VPS26C: variants seen among roughly 807,000 people sequenced by gnomAD.
VPS26C encodes the protein vacuolar protein sorting-associated protein 26C.
VPS26C carries 19 observed loss-of-function variants against 30.6 expected under a neutral mutation model. The ratio of observed to expected loss-of-function variants is 0.62; its 90% CI spans 0.43 to 0.91. The LOEUF (loss-of-function observed/expected upper bound fraction) is 0.91, where lower values mean the gene tolerates loss of function less well. VPS26C is among the 40% of genes least tolerant of loss of function. The probability of loss-of-function intolerance (pLI) is 0.00; values close to 1 mark genes in which losing one functional copy is unlikely to be tolerated. For synonymous variants in VPS26C, 132 were observed against 151.5 expected (o/e 0.87, Z 0.95); for missense variants, 318 against 385.1 (o/e 0.83, Z 1.46).
intron 5 of VPS26C, chr21:37,230,703 T>C (rs1256667963): frequency 6.6e-6 from 1 of 152,292 alleles, no homozygotes; most frequent in Non-Finnish European, 1.5e-5. Flanking sequence ...CGGCAGAAAG[T>C]GGACAGACAA....
chr21:37,226,948 A>ACAATTATTAAATAT lies in VPS26C; in HGVS notation c.811+705_811+706insATATTTAATAATTG, dbSNP rs1455982124. ...ATTAACATGATTCTTATTAAGATGG[A>ACAATTATTAAATAT]GGTCCCATTACAATATTTATAGGAA... On this transcript the variant is annotated intron_variant, in intron 7 of 7. Coordinates refer to ENST00000309117, the MANE Select transcript of VPS26C (RefSeq NM_006052.2). This position sits in a 1 kb window ranked among gnomAD's most constrained non-coding sequence, Gnocchi z 4.1. The ACAATTATTAAATAT allele has an allele frequency of 1.3e-5, 2 of 152,252 alleles. No homozygotes were observed. The highest frequency in any genetic ancestry group is 4.8e-5 in the African/African-American group (2 of 41,456). 9.4% of individuals were successfully genotyped at this position (152,252 alleles called of 1,614,324 possible).
intron 3 of VPS26C, among the ~76,000 whole-genome samples, chr21:37,238,011 A>G (rs1226585875): frequency 6.6e-6 from 1 of 152,244 alleles, no homozygotes; most frequent in Non-Finnish European, 1.5e-5. Context: ...ACAGGAAGTC[A>G]TAATCCACTT....
intron 1 of VPS26C, 69 bp downstream of exon 1, chr21:37,267,169 C>A: frequency 7.5e-7 from 1 of 1,327,616 alleles, no homozygotes; most frequent in South Asian, 1.2e-5. Flanking sequence ...GTGCGCAGAG[C>A]GATGGAGACA....
chr21:37,230,671 A>AC (rs1238168062), intron 5 of VPS26C: 1 of 152,282 alleles, frequency 6.6e-6, no homozygotes, highest in East Asian at 1.9e-4. Context: ...CGTGGGGACC[A>AC]CCCCAGTGAA....
intron 1 of VPS26C, among the ~76,000 whole-genome samples, chr21:37,252,288 A>G (rs1230525622): frequency 1.3e-5 from 2 of 152,222 alleles, no homozygotes; most frequent in Non-Finnish European, 2.9e-5. Flanking sequence ...GAAAGCGGAA[A>G]TCAGAAACAT....
chr21:37,244,164 C>A (rs2086114705), intron 1 of VPS26C, among the ~76,000 whole-genome samples: 1 of 152,274 alleles, frequency 6.6e-6, no homozygotes, highest in African/African-American at 2.4e-5. Context: ...CTACTGGCCA[C>A]CTTGCTCTTC....
intron 2 of VPS26C, among the ~76,000 whole-genome samples, chr21:37,239,914 C>A (rs1342117049): frequency 6.6e-6 from 1 of 152,016 alleles, no homozygotes; most frequent in Non-Finnish European, 1.5e-5. Flanking sequence ...TTTTTAATGG[C>A]TGAAATTAAT....
chr21:37,229,807 G>C (rs908579804), intron 5 of VPS26C, among the ~76,000 whole-genome samples: 13 of 152,144 alleles, frequency 8.5e-5, no homozygotes, highest in African/African-American at 3.1e-4. Flanking sequence ...CGGGACTCTG[G>C]ACCTGGCAGT....
intron 1 of VPS26C, among the ~76,000 whole-genome samples, chr21:37,263,926 C>CA (rs2086331034): frequency 6.6e-6 from 1 of 152,180 alleles, no homozygotes; most frequent in African/African-American, 2.4e-5. Flanking sequence ...GCTTCTCCCA[C>CA]AACCACAGCG....
chr21:37,250,693 A>C (rs556215143), intron 1 of VPS26C, among the ~76,000 whole-genome samples: 2 of 152,218 alleles, frequency 1.3e-5, no homozygotes, highest in South Asian at 4.1e-4. Flanking sequence ...GGAGGTGAGG[A>C]GTTCAAGACC....
chr21:37,246,924 A>AT (rs1393816762), intron 1 of VPS26C, among the ~76,000 whole-genome samples: 2 of 151,986 alleles, frequency 1.3e-5, no homozygotes, highest in African/African-American at 4.8e-5. Context: ...CACCCAGCTA[A>AT]TTTTTGTATT....
At chr21:37,267,505 G>C (rs184370156), upstream of VPS26C, 1,644 of 586,594 alleles carry the variant, frequency 2.8e-3, 14 homozygotes, top group African/African-American at 0.029. Flanking sequence ...GCCTTAGTGC[G>C]GGCCGAAGCG....
In VPS26C at chr21:37,263,082, C is replaced by T. The variant is rs562910329; in HGVS notation, c.57+4156G>A. On this transcript the variant is annotated intron_variant, in intron 1 of 7. Coordinates refer to ENST00000309117, the MANE Select transcript of VPS26C (RefSeq NM_006052.2). ...ACCCAGCTGGGATATTACATTTTAA[C>T]GTTTATATTTTTTAAATGCTTCAAC... Among the ~76,000 whole-genome samples the T allele has an allele frequency of 3.3e-5, 5 of 151,998 alleles. No homozygotes were observed. The South Asian group carries it at 1.0e-3, about 32-fold the overall frequency.
chr21:37,235,843 ATGTGTGTG>A (rs1378481619), intron 3 of VPS26C, among the ~76,000 whole-genome samples: 3 of 100,898 alleles, frequency 3.0e-5, no homozygotes, highest in African/African-American at 4.1e-5. Context: ...ATGTGTGTAT[ATGTGTGTG>A]TATATATATA....
intron 1 of VPS26C, among the ~76,000 whole-genome samples, chr21:37,264,306 T>C (rs2086336453): frequency 1.3e-5 from 2 of 152,234 alleles, no homozygotes; most frequent in South Asian, 2.1e-4. Flanking sequence ...CAGCCATCAA[T>C]TGCAGATGCT....
intron 3 of VPS26C, among the ~76,000 whole-genome samples, chr21:37,237,080 C>T (rs1419040999): frequency 6.6e-6 from 1 of 152,194 alleles, no homozygotes; most frequent in Non-Finnish European, 1.5e-5. Flanking sequence ...TGTGCCTGGC[C>T]AGCACACACG....
At chr21:37,234,116 C>G in intron 3 of VPS26C, among the ~76,000 whole-genome samples, 1 of 152,250 alleles carries the variant, frequency 6.6e-6, no homozygotes, top group East Asian at 1.9e-4. Flanking sequence ...CAAGGTCACA[C>G]CTGGTCCTCA....
chr21:37,245,127 A>T (rs2086124578), intron 1 of VPS26C, among the ~76,000 whole-genome samples: 1 of 152,254 alleles, frequency 6.6e-6, no homozygotes, highest in South Asian at 2.1e-4. Context: ...GAACCAGCAG[A>T]GGAGCACATG....
At chr21:37,241,061 G>C (rs905987317) in intron 1 of VPS26C, among the ~76,000 whole-genome samples, 4 of 152,240 alleles carry the variant, frequency 2.6e-5, no homozygotes, top group African/African-American at 7.2e-5. Context: ...TGTTCGTTAG[G>C]CTCTTTCTCA....
Sources: gnomAD v4.1 joint callset for allele counts (sites outside exome capture counted in the v4.1 genomes callset) on GRCh38, gnomAD v4.1.1 for gene constraint, Gnocchi (gnomAD v3.1) non-coding constraint, MANE v1.5 for transcripts, NCBI Gene and HGNC (gene_info 2026-07-23, HGNC 2026-07-21) for gene names.